TTLL5: variants seen among roughly 807,000 people sequenced by gnomAD.
TTLL5 encodes the protein tubulin tyrosine ligase like 5, also known as tubulin polyglutamylase TTLL5.
Under a neutral mutation model 168.4 loss-of-function variants are expected in TTLL5, and 132 were observed. The observed-to-expected ratio is 0.78, with a 90% CI of 0.68 to 0.91. The LOEUF is 0.91. Among genes scored for constraint, TTLL5 ranks in the 40% least tolerant of loss-of-function variants. The pLI is 0.00. For missense variants in TTLL5, 1,545 were observed against 1,581.5 expected (o/e 0.98, Z 0.39); for synonymous variants, 546 against 558.6 (o/e 0.98, Z 0.32).
At chr14:75,803,809 A>T (rs58184408) in intron 27 of TTLL5, among the ~76,000 whole-genome samples, 2,700 of 152,222 alleles carry the variant, frequency 0.018, 75 homozygotes, top group African/African-American at 0.061. Context: ...CTCTGAAGAG[A>T]TGTAGCCCTT....
intron 31 of TTLL5, among the ~76,000 whole-genome samples, chr14:75,909,338 G>GC (rs2033274650): frequency 6.8e-6 from 1 of 147,706 alleles, no homozygotes; most frequent in Admixed American, 6.9e-5. Context: ...ATACCCTGAA[G>GC]CCCCCTGGAA....
At chr14:75,784,685 T>A (rs968334356) in intron 26 of TTLL5, among the ~76,000 whole-genome samples, 2 of 152,262 alleles carry the variant, frequency 1.3e-5, no homozygotes, top group African/African-American at 4.8e-5. Flanking sequence ...CCAAAGTCGC[T>A]GTGCCCTTTT....
chr14:75,874,497 CA>C (rs1465089910), intron 29 of TTLL5, among the ~76,000 whole-genome samples: 1 of 152,176 alleles, frequency 6.6e-6, no homozygotes, highest in East Asian at 1.9e-4. Context: ...GCATTAGCAT[CA>C]ATTGTGAGCT....
At chr14:75,797,857 T>C (rs1333688823) in intron 27 of TTLL5, among the ~76,000 whole-genome samples, 1 of 152,094 alleles carries the variant, frequency 6.6e-6, no homozygotes, top group Non-Finnish European at 1.5e-5. Context: ...TAGAATTTTG[T>C]TGGGGATTTT....
rs531242941 is a variant in TTLL5 at position 75,677,793 on chromosome 14, A to C, written c.182-3752A>C. Among the ~76,000 whole-genome samples, 13 of 152,052 alleles carry C rather than the reference A, an allele frequency of 8.5e-5. No individual in the cohort carries two copies. In the South Asian group the frequency reaches 2.3e-3, roughly 27 times the overall value. On this transcript the variant is annotated intron_variant, in intron 3 of 31. Coordinates refer to ENST00000298832, the MANE Select transcript of TTLL5 (RefSeq NM_015072.5). ...CCCGTACACTTGGCTAATTAAAAAA[A>C]AAAATTTTTTTTTTTTTTGTTAGTG...
At chr14:75,672,337 C>T (rs1883812660) in intron 3 of TTLL5, among the ~76,000 whole-genome samples, 1 of 152,092 alleles carries the variant, frequency 6.6e-6, no homozygotes, top group Admixed American at 6.5e-5. Context: ...ACCTCCTCCT[C>T]CTGAGTTCAA....
intron 31 of TTLL5, among the ~76,000 whole-genome samples, chr14:75,930,303 C>G (rs1291318400): frequency 6.6e-6 from 1 of 152,066 alleles, no homozygotes; most frequent in East Asian, 1.9e-4. Context: ...ATTACAAATT[C>G]ATATGTTGAC....
intron 28 of TTLL5, 111 bp downstream of exon 28, chr14:75,820,272 C>T: frequency 8.9e-7 from 1 of 1,128,888 alleles, no homozygotes; most frequent in Non-Finnish European, 1.2e-6. Context: ...AGGCATATGC[C>T]CTTTCTCCAC....
rs529137098 is a variant in TTLL5, at chr14:75,899,487, C to G, written c.3741-2655C>G. Among the ~76,000 whole-genome samples the G allele has an allele frequency of 2.0e-5, 3 of 152,318 alleles. No individual in the cohort carries two copies. In the South Asian group the frequency reaches 6.2e-4, roughly 32 times the overall value. ...ATGTGCCTAAAGTAGTAATAACAGA[C>G]CTAAACCATTTTGTGTACCAGTGTT... is the stretch of plus-strand genomic sequence containing the variant. On this transcript the variant is annotated intron_variant, in intron 30 of 31. Transcript: ENST00000298832.
At chr14:75,712,902 A>G (rs1357490998) in intron 9 of TTLL5, among the ~76,000 whole-genome samples, 1 of 152,192 alleles carries the variant, frequency 6.6e-6, no homozygotes, top group East Asian at 1.9e-4. Flanking sequence ...CATTGTGGTT[A>G]AAAAGGGGGG....
chr14:75,954,000 G>T (rs940833699), intron 31 of TTLL5, among the ~76,000 whole-genome samples: 1 of 152,100 alleles, frequency 6.6e-6, no homozygotes, highest in East Asian at 1.9e-4. Context: ...TGTAATCCCA[G>T]CACTTTGGGA....
At chr14:75,767,875 C>G (rs1308945928) in intron 20 of TTLL5, among the ~76,000 whole-genome samples, 1 of 152,046 alleles carries the variant, frequency 6.6e-6, no homozygotes, top group East Asian at 1.9e-4. Flanking sequence ...ATGGGATGGA[C>G]TTAGTAAAAT....
rs143036593 is a variant in TTLL5, at chr14:75,690,816, C to T, written c.502+494C>T. On this transcript the variant is annotated intron_variant, in intron 6 of 31. Coordinates refer to ENST00000298832, the MANE Select transcript of TTLL5 (RefSeq NM_015072.5). ...TTAATTTTTTGTAGAGATGGGATCT[C>T]GCTCTGTTGCCTGGGCTGGTCTTGA... Among the ~76,000 whole-genome samples, 141 of 152,128 alleles carry T rather than the reference C, an allele frequency of 9.3e-4. No individual in the cohort carries two copies. The East Asian group carries it at 0.025, about 27-fold the overall frequency.
At chr14:75,938,925 T>C (rs1317172692) in intron 31 of TTLL5, among the ~76,000 whole-genome samples, 1 of 152,222 alleles carries the variant, frequency 6.6e-6, no homozygotes, top group Non-Finnish European at 1.5e-5. Flanking sequence ...TCTAGAGCAG[T>C]GATTGTTAAA....
At chr14:75,846,792 GAAAA>G (rs5809732) in intron 28 of TTLL5, among the ~76,000 whole-genome samples, 1 of 99,224 alleles carries the variant, frequency 1.0e-5, no homozygotes. Context: ...CTCCATCTCA[GAAAA>G]AAAAAAAAAA....
rs763238365 is a variant in TTLL5, at chr14:75,688,726, T to C, written c.372-1466T>C. 1.6e-4 allele frequency among the ~76,000 whole-genome samples: 25 copies of C among 152,222 alleles called. 1 individual carries two copies. Among genetic ancestry groups the C allele is most frequent in the Middle Eastern group, 3.4e-3 (1 of 294 alleles). On this transcript the variant is annotated intron_variant, in intron 5 of 31. Transcript: ENST00000298832. ...GAATTAGAGGACACCCACTGCAAGA[T>C]TGCTTGCTTTGTGTGTGGGGAAACA...
At chr14:75,681,653 T>A in intron 4 of TTLL5, 26 bp downstream of exon 4, 1 of 1,596,272 alleles carries the variant, frequency 6.3e-7, no homozygotes, top group Non-Finnish European at 8.6e-7. Context: ...ATACCTCACC[T>A]GATCTGCTCA....
chr14:75,756,386 G>A (rs1469471381), intron 18 of TTLL5, among the ~76,000 whole-genome samples: 3 of 152,212 alleles, frequency 2.0e-5, no homozygotes, highest in African/African-American at 7.2e-5. Context: ...GCAACATAGG[G>A]GATCTTCATG....
chr14:75,926,156 C>CTTTTTTTTTTTTTTTTTTTTTTTTT (rs34048806), intron 31 of TTLL5, among the ~76,000 whole-genome samples: 2 of 29,952 alleles, frequency 6.7e-5, no homozygotes, highest in African/African-American at 1.9e-4. Context: ...GCAACCCCAG[C>CTTTTTTTTTTTTTTTTTTTTTTTTT]TTTTTTTTTT....
Sources: gnomAD v4.1 joint callset for allele counts (sites outside exome capture counted in the v4.1 genomes callset) on GRCh38, gnomAD v4.1.1 for gene constraint, MANE v1.5 for transcripts, NCBI Gene and HGNC (gene_info 2026-07-23, HGNC 2026-07-21) for gene names.